Variants in ABHD17C observed in about 807,000 individuals in gnomAD.
ABHD17C encodes alpha/beta hydrolase domain-containing protein 17C.
In ABHD17C, 11 loss-of-function variants were observed where a neutral mutation model predicts 27.9. The observed-to-expected ratio is 0.39, with a 90% CI of 0.25 to 0.65. The LOEUF is 0.65. ABHD17C is among the 30% of genes least tolerant of loss of function. ABHD17C has a pLI of 0.45. For missense variants in ABHD17C, 280 were observed against 470.2 expected (o/e 0.60, Z 3.74); for synonymous variants, 233 against 209.1 (o/e 1.11, Z -0.98).
intron 1 of ABHD17C, among the ~76,000 whole-genome samples, chr15:80,730,879 A>G (rs73500848): frequency 0.029 from 4,370 of 152,294 alleles, 224 homozygotes; most frequent in African/African-American, 0.1. Context: ...ATTTTGAATT[A>G]TTAATGTCAT....
intron 1 of ABHD17C, among the ~76,000 whole-genome samples, chr15:80,747,573 T>A (rs1056489088): frequency 2.6e-5 from 4 of 152,166 alleles, no homozygotes; most frequent in Non-Finnish European, 4.4e-5. Context: ...GGGCACAGGA[T>A]GCTGCTGTAT....
rs1167196323 is a variant in ABHD17C, at chr15:80,695,377, G to C, written c.-53G>C. ...CGCGCGTCCGTCCTCCGTCCTCCCG[G>C]GCCAGCCAGCCAGCCAGCCAGCCGG... On this transcript the variant is annotated 5_prime_UTR_variant, in exon 1 of 3. Transcript: ENST00000258884. This position sits in a 1 kb window ranked among gnomAD's most constrained non-coding sequence, Gnocchi z 4.3. The C allele has an allele frequency of 8.8e-7, 1 of 1,136,770 alleles. No homozygotes were observed. The highest frequency in any genetic ancestry group is 1.7e-5 in the African/African-American group (1 of 60,296). 70.4% of individuals were successfully genotyped at this position (1,136,770 alleles called of 1,614,324 possible).
chr15:80,701,660 C>A (rs1217754654), intron 1 of ABHD17C, among the ~76,000 whole-genome samples: 2 of 143,340 alleles, frequency 1.4e-5, no homozygotes, highest in Admixed American at 7.1e-5. Context: ...GCCTGGGCGA[C>A]AGAGCGAGAC....
chr15:80,747,663 A>G (rs2141522449), intron 1 of ABHD17C, among the ~76,000 whole-genome samples: 1 of 152,320 alleles, frequency 6.6e-6, no homozygotes, highest in Middle Eastern at 3.4e-3. Flanking sequence ...ACGGGAATGA[A>G]GCCCCAGGCA....
intron 1 of ABHD17C, among the ~76,000 whole-genome samples, chr15:80,698,213 C>T (rs966480080): frequency 9.9e-5 from 15 of 151,742 alleles, no homozygotes; most frequent in Non-Finnish European, 1.8e-4. Flanking sequence ...TACAGGCGCC[C>T]GCCACCGCGT....
At chr15:80,746,747 T>C (rs775599719) in intron 1 of ABHD17C, among the ~76,000 whole-genome samples, 1 of 152,238 alleles carries the variant, frequency 6.6e-6, no homozygotes, top group Non-Finnish European at 1.5e-5. Flanking sequence ...CTCTGCCTTG[T>C]CTCCTGGGCT....
chr15:80,714,672 T>C (rs544878004), intron 1 of ABHD17C, among the ~76,000 whole-genome samples: 2 of 152,342 alleles, frequency 1.3e-5, no homozygotes, highest in Non-Finnish European at 2.9e-5. Flanking sequence ...TTTCATTGTT[T>C]TTTGTGTGTT....
At chr15:80,725,991 C>T (rs938636831) in intron 1 of ABHD17C, among the ~76,000 whole-genome samples, 2 of 152,086 alleles carry the variant, frequency 1.3e-5, no homozygotes, top group East Asian at 3.8e-4. Flanking sequence ...CCGAGAGCCC[C>T]GAACAGAGAT....
chr15:80,730,106 C>A (rs1430565106), intron 1 of ABHD17C, among the ~76,000 whole-genome samples: 1 of 141,840 alleles, frequency 7.1e-6, no homozygotes, highest in Non-Finnish European at 1.6e-5. Context: ...AAGACTCCAT[C>A]TCAAAAAAAA....
chr15:80,745,451 C>G (rs1895269812), intron 1 of ABHD17C, among the ~76,000 whole-genome samples: 1 of 151,824 alleles, frequency 6.6e-6, no homozygotes, highest in Admixed American at 6.6e-5. Context: ...CACTGTTCAC[C>G]TCGACCTCCT....
chr15:80,741,430 T>C (rs185479301), intron 1 of ABHD17C, among the ~76,000 whole-genome samples: 289 of 150,614 alleles, frequency 1.9e-3, no homozygotes, highest in Admixed American at 0.019. Context: ...GCAGTTGTCT[T>C]TTTTCTTATT....
chr15:80,700,372 G>A (rs539871619), intron 1 of ABHD17C, among the ~76,000 whole-genome samples: 12 of 152,214 alleles, frequency 7.9e-5, no homozygotes, highest in Admixed American at 6.5e-4. Flanking sequence ...TTGTAACTTA[G>A]GTGTCTGCTG....
chr15:80,706,368 T>C (rs547772924), intron 1 of ABHD17C, among the ~76,000 whole-genome samples: 4 of 152,364 alleles, frequency 2.6e-5, no homozygotes, highest in Non-Finnish European at 4.4e-5. Flanking sequence ...TTAACGGTTG[T>C]ACGTCAATTA....
intron 1 of ABHD17C, chr15:80,704,452 C>CG (rs1207549433): frequency 2.6e-5 from 4 of 151,370 alleles, no homozygotes; most frequent in African/African-American, 9.7e-5. Flanking sequence ...GTTGTACCCC[C>CG]GGGTTAGTGA....
chr15:80,725,869 G>C (rs1159202999), intron 1 of ABHD17C, among the ~76,000 whole-genome samples: 1 of 152,036 alleles, frequency 6.6e-6, no homozygotes, highest in Non-Finnish European at 1.5e-5. Flanking sequence ...GCTGTGCTGA[G>C]ACCAGCTCGG....
At chr15:80,724,327 C>T (rs1211901594) in intron 1 of ABHD17C, among the ~76,000 whole-genome samples, 1 of 152,106 alleles carries the variant, frequency 6.6e-6, no homozygotes, top group Non-Finnish European at 1.5e-5. Flanking sequence ...GACCCTGTCT[C>T]CTCCTTCCCC....
chr15:80,728,763 A>T (rs1315598227), intron 1 of ABHD17C, among the ~76,000 whole-genome samples: 1 of 152,224 alleles, frequency 6.6e-6, no homozygotes, highest in Non-Finnish European at 1.5e-5. Flanking sequence ...TAGTTATCAA[A>T]AAGCACAGAT....
rs1055543578 is a variant in ABHD17C, at chr15:80,754,496, A to G, written c.*126A>G. ...AAGTGCCCAACCTTTAGGGTGTTCT[A>G]ATCAAAGAGCTGATGAAATCTCAGT... On this transcript the variant is annotated 3_prime_UTR_variant, in exon 3 of 3. Coordinates refer to ENST00000258884, the MANE Select transcript of ABHD17C (RefSeq NM_021214.2). 1.3e-6 allele frequency: 1 copy of G among 744,044 alleles called. No individual in the cohort carries two copies. Among genetic ancestry groups the G allele is most frequent in the Non-Finnish European group, 2.1e-6 (1 of 467,324 alleles). 46.1% of individuals were successfully genotyped at this position (744,044 alleles called of 1,614,324 possible).
intron 1 of ABHD17C, among the ~76,000 whole-genome samples, chr15:80,725,147 A>G (rs1894955202): frequency 6.6e-6 from 1 of 152,222 alleles, no homozygotes; most frequent in Non-Finnish European, 1.5e-5. Context: ...GTGACTGCCT[A>G]TTGGGTATCA....
Sources: gnomAD v4.1 joint callset for allele counts (sites outside exome capture counted in the v4.1 genomes callset) on GRCh38, gnomAD v4.1.1 for gene constraint, Gnocchi (gnomAD v3.1) non-coding constraint, MANE v1.5 for transcripts, NCBI Gene and HGNC (gene_info 2026-07-23, HGNC 2026-07-21) for gene names.